The following MEF2C variants were observed in gnomAD, a reference collection of about 807,000 sequenced individuals.
The protein encoded by MEF2C is myocyte-specific enhancer factor 2C.
In MEF2C, 6 loss-of-function variants were observed where a neutral mutation model predicts 50.5. That is an observed-to-expected ratio of 0.12 (90% CI 0.07 to 0.23). The LOEUF is 0.23. Among genes scored for constraint, MEF2C ranks in the 10% least tolerant of loss-of-function variants. The pLI, the probability that MEF2C is intolerant of heterozygous loss-of-function variation, is 1.00. For synonymous variants in MEF2C, 183 were observed against 228.0 expected (o/e 0.80, Z 1.78); for missense variants, 276 against 605.0 (o/e 0.46, Z 5.70).
At position 88,799,901 on chromosome 5, in the gene MEF2C, CACACACACACACAG is replaced by C. The variant is rs1354069973; in HGVS notation, c.258+4683_258+4696del. Among the ~76,000 whole-genome samples, 9 of 94,744 alleles carry C rather than the reference CACACACACACACAG, an allele frequency of 9.5e-5. No individual in the cohort carries two copies. In the East Asian group the frequency reaches 3.2e-3, roughly 34 times the overall value. The allele number at this position is 94,744 out of a possible 152,430, so 62.2% of individuals were successfully genotyped here. ...ACACACACACACACACACACACACA[CACACACACACACAG>C]AGAGAGAGACACACATGTTCTTCCT... On this transcript the variant is annotated intron_variant, in intron 3 of 10. Transcript: ENST00000504921.
intron 3 of MEF2C, among the ~76,000 whole-genome samples, chr5:88,775,489 G>T (rs2152814682): frequency 6.6e-6 from 1 of 152,180 alleles, no homozygotes; most frequent in African/African-American, 2.4e-5. Context: ...GAAATATTTT[G>T]CAAAGTGTAC....
At chr5:88,844,352 C>T (rs1818547520) in intron 1 of MEF2C, among the ~76,000 whole-genome samples, 1 of 152,062 alleles carries the variant, frequency 6.6e-6, no homozygotes, top group African/African-American at 2.4e-5. Context: ...CTCCAGAGTC[C>T]AAGTTCTCAA....
chr5:88,822,039 C>T (rs1808647203), intron 2 of MEF2C, among the ~76,000 whole-genome samples: 1 of 151,784 alleles, frequency 6.6e-6, no homozygotes, highest in South Asian at 2.1e-4. Flanking sequence ...ATATTATATA[C>T]AACTATTATG....
intron 1 of MEF2C, chr5:88,892,019 ATAAAT>A (rs1487577909): frequency 9.8e-6 from 1 of 102,348 alleles, no homozygotes; most frequent in Non-Finnish European, 2.5e-5. Flanking sequence ...ATTAATAACA[ATAAAT>A]TATTTTAAAA....
intron 1 of MEF2C, among the ~76,000 whole-genome samples, chr5:88,852,619 C>T (rs559936367): frequency 6.6e-6 from 1 of 152,246 alleles, no homozygotes; most frequent in Non-Finnish European, 1.5e-5. Context: ...GCCTGTAATC[C>T]CAACACTTTG....
chr5:88,878,936 C>A (rs944791402), intron 1 of MEF2C, among the ~76,000 whole-genome samples: 1 of 151,916 alleles, frequency 6.6e-6, no homozygotes, highest in Admixed American at 6.6e-5. Context: ...TATATAACTG[C>A]AACTGAAGGT....
At chr5:88,897,940 C>T (rs1250057655) in intron 1 of MEF2C, among the ~76,000 whole-genome samples, 3 of 152,060 alleles carry the variant, frequency 2.0e-5, no homozygotes, top group East Asian at 1.9e-4. Flanking sequence ...ATTCATGGGC[C>T]CCACCTCAGG....
At chr5:88,739,812 G>C (rs1765738290) in intron 6 of MEF2C, 1 of 985,194 alleles carries the variant, frequency 1.0e-6, no homozygotes, top group South Asian at 4.7e-5. Context: ...TCAGGGGTCA[G>C]AAATCTGGGT....
chr5:88,784,149 C>T (rs1033995631), intron 3 of MEF2C, among the ~76,000 whole-genome samples: 4 of 152,112 alleles, frequency 2.6e-5, no homozygotes, highest in Non-Finnish European at 5.9e-5. Context: ...TCATTATAAG[C>T]ATTTGATGCA....
upstream of MEF2C, among the ~76,000 whole-genome samples, chr5:88,887,103 A>G (rs1834110070): frequency 6.6e-6 from 1 of 152,248 alleles, no homozygotes; most frequent in Admixed American, 6.5e-5. Context: ...AGATTATTCA[A>G]CTGTATAGTA....
At chr5:88,820,948 A>G (rs1331404495) in intron 2 of MEF2C, among the ~76,000 whole-genome samples, 1 of 151,996 alleles carries the variant, frequency 6.6e-6, no homozygotes, top group Non-Finnish European at 1.5e-5. Flanking sequence ...TCACTGAAAT[A>G]TATATTAAAA....
chr5:88,747,638 C>T (rs1770513727), intron 6 of MEF2C, among the ~76,000 whole-genome samples: 1 of 146,186 alleles, frequency 6.8e-6, no homozygotes, highest in Non-Finnish European at 1.5e-5. Flanking sequence ...CGTGAGCCAC[C>T]GCGCCCGGCC....
chr5:88,721,629 G>A lies in MEF2C; in HGVS notation c.*975C>T, dbSNP rs1340391417. The stretch of plus-strand genomic sequence containing the variant: ...TATACACAAGCATGTTAATTTCACA[G>A]ATTTTTTTAAAAGATTCTTAATATT... On this transcript the variant is annotated 3_prime_UTR_variant, in exon 11 of 11. Coordinates refer to ENST00000504921, the MANE Select transcript of MEF2C (RefSeq NM_002397.5). 6.6e-6 allele frequency: 1 copy of A among 152,370 alleles called. No homozygotes were observed. Among genetic ancestry groups the A allele is most frequent in the African/African-American group, 2.4e-5 (1 of 41,408 alleles). 9.4% of individuals were successfully genotyped at this position (152,370 alleles called of 1,614,324 possible).
chr5:88,737,444 A>G (rs2152366920), intron 6 of MEF2C: 11 of 985,350 alleles, frequency 1.1e-5, no homozygotes, highest in Non-Finnish European at 1.3e-5. Flanking sequence ...CAAGTCAGAC[A>G]TTTTCCCTAA....
chr5:88,772,604 G>T, intron 3 of MEF2C: 1 of 391,542 alleles, frequency 2.6e-6, no homozygotes, highest in Non-Finnish European at 3.5e-6. Context: ...TAAATAGCAG[G>T]CAGAGAGATT....
chr5:88,805,201 G>C (rs908030962), intron 2 of MEF2C, among the ~76,000 whole-genome samples: 3 of 152,126 alleles, frequency 2.0e-5, no homozygotes, highest in Non-Finnish European at 4.4e-5. Context: ...TAGGAACTTA[G>C]CATTTTAGAT....
At chr5:88,795,938 A>C (rs550665598) in intron 3 of MEF2C, among the ~76,000 whole-genome samples, 66 of 152,182 alleles carry the variant, frequency 4.3e-4, no homozygotes, top group Non-Finnish European at 7.2e-4. Flanking sequence ...GTGATGGATT[A>C]CATTTTTTGA....
At chr5:88,735,064 C>T in intron 6 of MEF2C, 1 of 985,286 alleles carries the variant, frequency 1.0e-6, no homozygotes, top group Non-Finnish European at 1.2e-6. Context: ...AATATAGATT[C>T]AGGAATGCAA....
At chr5:88,760,045 T>A (rs929886220) in intron 4 of MEF2C, among the ~76,000 whole-genome samples, 4 of 152,248 alleles carry the variant, frequency 2.6e-5, no homozygotes, top group African/African-American at 9.6e-5. Context: ...TTACAAAAAA[T>A]GAACTTTTTT....
Sources: allele counts gnomAD v4.1 joint callset (sites outside exome capture counted in the v4.1 genomes callset), GRCh38; gene constraint gnomAD v4.1.1; transcripts MANE v1.5; gene names NCBI Gene and HGNC (gene_info 2026-07-23, HGNC 2026-07-21).